PDZK1IP1: variants seen among roughly 807,000 people sequenced by gnomAD.
The protein encoded by PDZK1IP1 is PDZK1-interacting protein 1.
Under a neutral mutation model 14.7 loss-of-function variants are expected in PDZK1IP1, and 9 were observed. The ratio of observed to expected loss-of-function variants is 0.61; its 90% CI spans 0.37 to 1.07. The LOEUF is 1.07. Ranked by LOEUF, PDZK1IP1 falls within the 50% of genes least tolerant of loss-of-function variation. PDZK1IP1 has a pLI of 0.01. For missense variants in PDZK1IP1, 152 were observed against 148.7 expected, an observed-to-expected ratio of 1.02 and a Z score of -0.11; for synonymous variants, 70 against 61.2, an observed-to-expected ratio of 1.14 and a Z score of -0.67.
Position 47,183,772 on chromosome 1 carries a change from C to T in PDZK1IP1, c.*199G>A, listed in dbSNP as rs936570520. 2 of 610,844 alleles carry T rather than the reference C, an allele frequency of 3.3e-6. No individual in the cohort carries two copies. The highest frequency in any genetic ancestry group is 5.8e-6 in the Non-Finnish European group (2 of 342,982). 37.8% of individuals were successfully genotyped at this position (610,844 alleles called of 1,614,324 possible). A position where few individuals can be genotyped will look rare whatever the true frequency, so the allele number is the denominator to read the frequency against. On this transcript the variant is annotated 3_prime_UTR_variant, in exon 4 of 4. Transcript: ENST00000294338. ...AGCTGAGCAGGAGACCCCAGGGCCA[C>T]AGCCGAGCCCCAACCTAGACACGGT...
chr1:47,186,440 G>GTGTCTCCATCCC (rs1048374236), intron 2 of PDZK1IP1, among the ~76,000 whole-genome samples: 1 of 152,224 alleles, frequency 6.6e-6, no homozygotes, highest in Non-Finnish European at 1.5e-5. Context: ...CTCATCTCAG[G>GTGTCTCCATCCC]TGTCTCCATC....
intron 3 of PDZK1IP1, among the ~76,000 whole-genome samples, chr1:47,184,487 C>G (rs192002664): frequency 1.4e-3 from 30 of 20,746 alleles, no homozygotes; most frequent in Non-Finnish European, 2.5e-3. Context: ...CTGAACCCAT[C>G]CCCCACTGAA....
intron 1 of PDZK1IP1, among the ~76,000 whole-genome samples, chr1:47,187,984 G>C (rs1645330468): frequency 6.6e-6 from 1 of 152,154 alleles, no homozygotes; most frequent in South Asian, 2.1e-4. Flanking sequence ...GGGGTGCCTG[G>C]GGTACCCAGA....
At chr1:47,185,768 G>A (rs1243288701) in intron 2 of PDZK1IP1, among the ~76,000 whole-genome samples, 2 of 151,906 alleles carry the variant, frequency 1.3e-5, no homozygotes, top group African/African-American at 2.4e-5. Flanking sequence ...TCCTCCCCTC[G>A]AGTCCGCTGC....
At chr1:47,189,794 T>C in intron 1 of PDZK1IP1, 72 bp downstream of exon 1, 3 of 1,194,358 alleles carry the variant, frequency 2.5e-6, no homozygotes, top group South Asian at 3.0e-5. Flanking sequence ...ATCAAGGCCC[T>C]GGGGAGGGGA....
At chr1:47,188,208 G>T (rs369931516) in intron 1 of PDZK1IP1, among the ~76,000 whole-genome samples, 1 of 152,130 alleles carries the variant, frequency 6.6e-6, no homozygotes, top group Non-Finnish European at 1.5e-5. Context: ...GTCTTACTAC[G>T]TTGCCCAGGC....
chr1:47,186,074 G>C (rs1422146561), intron 2 of PDZK1IP1, among the ~76,000 whole-genome samples: 14 of 152,152 alleles, frequency 9.2e-5, no homozygotes. Flanking sequence ...ACTTTGAGAG[G>C]CTGAGGCAGG....
chr1:47,186,692 T>C (rs1420960419), intron 2 of PDZK1IP1, among the ~76,000 whole-genome samples: 1 of 152,120 alleles, frequency 6.6e-6, no homozygotes, highest in African/African-American at 2.4e-5. Context: ...AGGACCTGGG[T>C]GTACCCTTCC....
At chr1:47,185,139 C>T (rs924815104) in intron 2 of PDZK1IP1, 42 bp from the exon 3 acceptor site, 2 of 1,501,856 alleles carry the variant, frequency 1.3e-6, no homozygotes, top group Admixed American at 1.7e-5. Flanking sequence ...AGTGGGGCCC[C>T]CCTCGTCCAA....
intron 2 of PDZK1IP1, 94 bp downstream of exon 2, chr1:47,187,224 CA>C: frequency 1.2e-6 from 1 of 835,788 alleles, no homozygotes; most frequent in Non-Finnish European, 2.0e-6. Flanking sequence ...GAGGATTGGA[CA>C]CAGGGTTTCT....
Position 47,183,848 on chromosome 1 carries a change from T to C in PDZK1IP1, c.*123A>G. On this transcript the variant is annotated 3_prime_UTR_variant, in exon 4 of 4. Coordinates refer to ENST00000294338, the MANE Select transcript of PDZK1IP1 (RefSeq NM_005764.4). Reference sequence around the variant, plus strand: ...ACTTCAAGGGCGGGTAGGGCCGGCATGGGGCTGGAGGGAGTCAGCCCACTA... The same window carrying C: ...ACTTCAAGGGCGGGTAGGGCCGGCACGGGGCTGGAGGGAGTCAGCCCACTA... 2.4e-6 allele frequency: 2 copies of C among 823,448 alleles called. No individual in the cohort carries two copies. The allele number at this position is 823,448 out of a possible 1,614,324, so 51.0% of individuals were successfully genotyped here.
intron 1 of PDZK1IP1, 121 bp from the exon 2 acceptor site, chr1:47,187,548 G>T: frequency 1.4e-6 from 1 of 733,652 alleles, no homozygotes; most frequent in South Asian, 1.7e-5. Context: ...CAGCTGCCAG[G>T]AGCAAGGAGA....
intron 1 of PDZK1IP1, among the ~76,000 whole-genome samples, chr1:47,189,198 C>A (rs1224742273): frequency 6.6e-6 from 1 of 152,172 alleles, no homozygotes; most frequent in African/African-American, 2.4e-5. Context: ...CCCTCTGGAC[C>A]AAGTCCCACC....
At position 47,184,856 on chromosome 1, in the gene PDZK1IP1, A is replaced by T; in HGVS notation, c.272+146T>A. ...CTGCATTTTCCCCACAGAGCCCTGCAATCCTCACAAAGCCCCCATTGCCTC... is the reference window on the plus strand; with the variant it reads ...CTGCATTTTCCCCACAGAGCCCTGCTATCCTCACAAAGCCCCCATTGCCTC... On this transcript the variant is annotated intron_variant, in intron 3 of 3. Coordinates refer to ENST00000294338, the MANE Select transcript of PDZK1IP1 (RefSeq NM_005764.4). 4.5e-6 allele frequency: 3 copies of T among 669,244 alleles called. No individual in the cohort carries two copies. The South Asian group carries it at 5.2e-5, about 12-fold the overall frequency. 41.5% of individuals were successfully genotyped at this position (669,244 alleles called of 1,614,324 possible).
chr1:47,187,621 C>G (rs945790729), intron 1 of PDZK1IP1, among the ~76,000 whole-genome samples, 194 bp from the exon 2 acceptor site: 10 of 152,170 alleles, frequency 6.6e-5, no homozygotes, highest in African/African-American at 9.7e-5. Context: ...TTAAGCTCCA[C>G]CGAGCTTAGG....
At chr1:47,188,883 G>A (rs552384945) in intron 1 of PDZK1IP1, among the ~76,000 whole-genome samples, 50 of 152,318 alleles carry the variant, frequency 3.3e-4, no homozygotes, top group Middle Eastern at 3.4e-3. Context: ...AGCATGGGGA[G>A]TTAGGGCTCA....
chr1:47,188,396 T>A (rs576561828), intron 1 of PDZK1IP1, among the ~76,000 whole-genome samples: 109 of 152,292 alleles, frequency 7.2e-4, no homozygotes, highest in South Asian at 4.6e-3. Flanking sequence ...CCCAAAGGAC[T>A]TTCCTCTTCC....
chr1:47,187,510 G>A (rs1212789677), intron 1 of PDZK1IP1, 83 bp from the exon 2 acceptor site: 34 of 1,100,030 alleles, frequency 3.1e-5, no homozygotes, highest in Admixed American at 9.8e-5. Context: ...ACTCTTCAAG[G>A]ACCCCACCTA....
At chr1:47,188,462 C>T (rs1645332902) in intron 1 of PDZK1IP1, among the ~76,000 whole-genome samples, 1 of 152,204 alleles carries the variant, frequency 6.6e-6, no homozygotes, top group Non-Finnish European at 1.5e-5. Flanking sequence ...GAGAAAAGAC[C>T]CTCAGCGGGG....
Sources: allele counts gnomAD v4.1 joint callset (sites outside exome capture counted in the v4.1 genomes callset), GRCh38; gene constraint gnomAD v4.1.1; transcripts MANE v1.5; gene names NCBI Gene and HGNC (gene_info 2026-07-23, HGNC 2026-07-21).